CDC42BPG: variants seen among roughly 807,000 people sequenced by gnomAD.
CDC42BPG encodes the protein CDC42 binding protein kinase gamma.
Under a neutral mutation model 192.2 loss-of-function variants are expected in CDC42BPG, and 157 were observed. The observed-to-expected ratio is 0.82, with a 90% CI of 0.72 to 0.93. The LOEUF (loss-of-function observed/expected upper bound fraction) is 0.93, where lower values mean the gene tolerates loss of function less well. Ranked by LOEUF, CDC42BPG falls within the 40% of genes least tolerant of loss-of-function variation. CDC42BPG has a pLI of 0.00. For synonymous variants in CDC42BPG, 981 were observed against 918.5 expected (o/e 1.07, Z -1.23); for missense variants, 1,992 against 2,122.1 (o/e 0.94, Z 1.20).
chr11:64,831,452 C>T (rs2136279177), intron 28 of CDC42BPG, 53 bp downstream of exon 28: 5 of 1,513,472 alleles, frequency 3.3e-6, no homozygotes, highest in East Asian at 2.3e-5. Flanking sequence ...TTCCTAGACA[C>T]CAGCACTCCC....
chr11:64,831,438 A>T (rs960262444), intron 28 of CDC42BPG, 67 bp downstream of exon 28: 44 of 1,428,488 alleles, frequency 3.1e-5, no homozygotes, highest in Non-Finnish European at 4.2e-5. Context: ...GGCCCTTGGG[A>T]CTATTCCTAG....
chr11:64,830,152 T>C, intron 29 of CDC42BPG, 42 bp downstream of exon 29: 1 of 1,612,958 alleles, frequency 6.2e-7, no homozygotes, highest in African/African-American at 1.3e-5. Flanking sequence ...CCGCTGGGGC[T>C]GCCCCTGCCC....
intron 23 of CDC42BPG, 54 bp from the exon 24 acceptor site, chr11:64,833,390 C>T: frequency 8.4e-6 from 9 of 1,072,084 alleles, no homozygotes; most frequent in South Asian, 1.6e-5. Flanking sequence ...ATGCCCCATC[C>T]CTGAGGGGTC....
Position 64,835,100 on chromosome 11 carries a change from C to T in CDC42BPG, c.2007G>A (p.Glu669=). Residue 669 remains glutamate (E), a synonymous_variant, in exon 17 of 37, where the codon GAG becomes GAA. Transcript: ENST00000342711. ...EQESKQRLEG[E]RRETESNWEA... ...CCCAGTTGCTCTCCGTCTCCCGCCG[C>T]TCACCCTCCAGCCGCTGCTTGCTCT... 6.2e-7 allele frequency: 1 copy of T among 1,602,354 alleles called. No individual in the cohort carries two copies. The highest frequency in any genetic ancestry group is 8.5e-7 in the Non-Finnish European group (1 of 1,179,846).
intron 27 of CDC42BPG, 70 bp from the exon 28 acceptor site, chr11:64,831,791 A>G: frequency 1.4e-5 from 20 of 1,410,522 alleles, no homozygotes; most frequent in Non-Finnish European, 1.9e-5. Context: ...TCCTGCCTCC[A>G]GCAGCCGCTG....
chr11:64,834,446 G>T lies in CDC42BPG; in HGVS notation c.2307C>A (p.Ala769=). The T allele has an allele frequency of 6.4e-7, 1 of 1,567,938 alleles. No individual in the cohort carries two copies. Among genetic ancestry groups the T allele is most frequent in the South Asian group, 1.2e-5 (1 of 86,466 alleles). Residue 769 remains alanine (A), a synonymous_variant, in exon 19 of 37, where the codon GCC becomes GCA. Transcript: ENST00000342711. The stretch of plus-strand genomic sequence containing the variant: ...AGCCTCACCGCTCAGCCTGCAGCTG[G>T]GCCTCCTGCACCTGTGTCAGCCGCT... ...LQERLTQVQE[A]QLQAERRLQE...
In CDC42BPG at chr11:64,829,913, C is replaced by A; in HGVS notation, c.3525G>T (p.Glu1175Asp). 6.2e-7 allele frequency: 1 copy of A among 1,610,692 alleles called. No homozygotes were observed. The highest frequency in any genetic ancestry group is 8.5e-7 in the Non-Finnish European group (1 of 1,178,966). Residue 1175 changes from glutamate to aspartate, a missense_variant, in exon 30 of 37, where the codon GAG becomes GAT. By Grantham distance (45) the Glu-to-Asp change is conservative (BLOSUM62 2). This residue lies in a region of CDC42BPG where 1,656 missense variants were observed against 1,844.3 expected (regional missense o/e 0.90). Coordinates refer to ENST00000342711, the MANE Select transcript of CDC42BPG (RefSeq NM_017525.3). ...CTGCCAGCACCTGGCAGCCTCGAGA[C>A]TCGGGGATCTTGGCACCTGCTACCT... ...NIEVAGAKIP[E>D]SRGCQVLAAG...
At position 64,834,432 on chromosome 11, in the gene CDC42BPG, T is replaced by C; in HGVS notation, c.2321A>G (p.Glu774Gly). ...CAGTGCCTGCCCCTAGCCTCACCGC[T>C]CAGCCTGCAGCTGGGCCTCCTGCAC... ...TQVQEAQLQA[E>G]RRLQEAEKQS... The change falls in exon 19 of 37, where the codon GAG becomes GGG. Residue 774 changes from glutamate (E) to glycine (G), a missense_variant. Coordinates refer to ENST00000342711, the MANE Select transcript of CDC42BPG (RefSeq NM_017525.3). 6.4e-7 allele frequency: 1 copy of C among 1,565,374 alleles called. No individual in the cohort carries two copies.
rs376662695 is a variant in CDC42BPG, at chr11:64,839,477, C to G, written c.675+1G>C. On this transcript the variant is annotated splice_donor_variant, in intron 6 of 36. Coordinates refer to ENST00000342711, the MANE Select transcript of CDC42BPG (RefSeq NM_017525.3). LOFTEE classifies it high-confidence loss of function. ...CTCCCACTCTGGGGCGGGGTCCTTA[C>G]CATGCCGTTGGTGTTGAGACGCAGG... 1 of 1,613,038 alleles carries G rather than the reference C, an allele frequency of 6.2e-7. No individual in the cohort carries two copies. The highest frequency in any genetic ancestry group is 8.5e-7 in the Non-Finnish European group (1 of 1,179,848).
chr11:64,842,211 G>A (rs977587509), intron 1 of CDC42BPG, among the ~76,000 whole-genome samples: 3 of 152,126 alleles, frequency 2.0e-5, no homozygotes, highest in South Asian at 2.1e-4. Flanking sequence ...CCCAGTCTGC[G>A]GCCTGACTCT....
intron 16 of CDC42BPG, 95 bp downstream of exon 16, chr11:64,835,252 C>T: frequency 6.2e-7 from 1 of 1,607,956 alleles, no homozygotes; most frequent in Non-Finnish European, 8.5e-7. Context: ...CGTCCATGTC[C>T]ACCCTGCTCA....
At chr11:64,840,464 GTCTC>G in intron 4 of CDC42BPG, 85 bp downstream of exon 4, 1 of 1,445,534 alleles carries the variant, frequency 6.9e-7, no homozygotes, top group South Asian at 1.2e-5. Context: ...CCCAAGAGGG[GTCTC>G]TCTTTGGGCC....
chr11:64,842,043 G>A, intron 1 of CDC42BPG, 139 bp from the exon 2 acceptor site: 1 of 675,016 alleles, frequency 1.5e-6, no homozygotes, highest in South Asian at 1.7e-5. Context: ...GGGCCAAGGG[G>A]TTGTGGCAGG....
intron 9 of CDC42BPG, among the ~76,000 whole-genome samples, chr11:64,837,571 G>A (rs984806252): frequency 1.3e-5 from 2 of 152,274 alleles, no homozygotes; most frequent in South Asian, 2.1e-4. Context: ...AGCGATTCTC[G>A]CTGCCTCAGC....
chr11:64,840,937 T>C (rs1565700233), intron 3 of CDC42BPG, among the ~76,000 whole-genome samples: 2 of 151,966 alleles, frequency 1.3e-5, no homozygotes, highest in Non-Finnish European at 2.9e-5. Context: ...TCACTTGAGA[T>C]CAAGAGTTGG....
At chr11:64,827,841 T>G in intron 30 of CDC42BPG, 58 bp from the exon 31 acceptor site, 3 of 1,407,666 alleles carry the variant, frequency 2.1e-6, no homozygotes, top group Non-Finnish European at 1.9e-6. Context: ...AGGGAACACC[T>G]TGTCCCCTGC....
At chr11:64,826,914 T>C in intron 34 of CDC42BPG, 120 bp from the exon 35 acceptor site, 1 of 1,244,982 alleles carries the variant, frequency 8.0e-7, no homozygotes, top group Non-Finnish European at 1.1e-6. Context: ...TTTACTTAAG[T>C]CCCAGGTAGC....
chr11:64,836,817 C>T lies in CDC42BPG; in HGVS notation c.1306G>A (p.Ala436Thr). Reference sequence around the variant, plus strand: ...CGATGGTCTGTGGGGGCGTGCAGGGCCTCTGGAGGGGAGGTGGTACCCACA... The same window carrying T: ...CGATGGTCTGTGGGGGCGTGCAGGGTCTCTGGAGGGGAGGTGGTACCCACA... ...KVELSRKHQE[A>T]LHAPTDHREL... is the part of the protein sequence containing the mutation. Residue 436 changes from alanine (A) to threonine (T), a missense_variant and splice_region_variant, in exon 11 of 37, where the codon GCC (alanine) becomes ACC (threonine). Physicochemically the swap from Ala to Thr is moderately conservative, Grantham distance 58. This residue lies in a region of CDC42BPG where 1,656 missense variants were observed against 1,844.3 expected (regional missense o/e 0.90). Coordinates refer to ENST00000342711, the MANE Select transcript of CDC42BPG (RefSeq NM_017525.3). 1 of 1,607,684 alleles carries T rather than the reference C, an allele frequency of 6.2e-7. No homozygotes were observed. The highest frequency in any genetic ancestry group is 8.5e-7 in the Non-Finnish European group (1 of 1,177,246).
chr11:64,835,153 G>C lies in CDC42BPG; in HGVS notation c.1954C>G (p.Leu652Val). 1 of 1,601,822 alleles carries C rather than the reference G, an allele frequency of 6.2e-7. No individual in the cohort carries two copies. The highest frequency in any genetic ancestry group is 8.5e-7 in the Non-Finnish European group (1 of 1,179,836). The change falls in exon 17 of 37, where the codon CTA (leucine) becomes GTA (valine). Residue 652 changes from leucine to valine, a missense_variant and splice_region_variant. By Grantham distance (32) the Leu-to-Val change is conservative. This residue lies in a region of CDC42BPG where 1,656 missense variants were observed against 1,844.3 expected (regional missense o/e 0.90). Transcript: ENST00000342711. ...NRRLSREQER[L>V]EAELAQEQES... ...TGCTCCTGGGCCAGCTCTGCTTCTA[G>C]CTGGGGCCGGCCAGAGGAAAGGTCA...
Sources: allele counts gnomAD v4.1 joint callset (sites outside exome capture counted in the v4.1 genomes callset), GRCh38; gene constraint gnomAD v4.1.1; regional missense constraint gnomAD v4.1.1; transcripts MANE v1.5; gene names NCBI Gene and HGNC (gene_info 2026-07-23, HGNC 2026-07-21).